Variants in CCDC60 observed in about 807,000 individuals in gnomAD.
CCDC60 encodes coiled-coil domain containing 60, also known as coiled-coil domain-containing protein 60.
In CCDC60, 54 loss-of-function variants were observed where a neutral mutation model predicts 63.5. That is an observed-to-expected ratio of 0.85 (90% CI 0.68 to 1.07). CCDC60 has a LOEUF of 1.07. Ranked by LOEUF, CCDC60 falls within the 50% of genes least tolerant of loss-of-function variation. The pLI, the probability that CCDC60 is intolerant of heterozygous loss-of-function variation, is 0.00. For synonymous variants in CCDC60, 206 were observed against 238.8 expected (o/e 0.86, Z 1.27); for missense variants, 651 against 684.3 (o/e 0.95, Z 0.54).
At chr12:119,449,332 T>C (rs753456789) in intron 2 of CCDC60, among the ~76,000 whole-genome samples, 33 of 152,164 alleles carry the variant, frequency 2.2e-4, no homozygotes, top group Non-Finnish European at 4.1e-4. Context: ...CTGAGAGGCA[T>C]GTAGGGAGCT....
intron 3 of CCDC60, among the ~76,000 whole-genome samples, chr12:119,474,176 T>C (rs1418174348): frequency 1.3e-5 from 2 of 152,128 alleles, no homozygotes; most frequent in African/African-American, 4.8e-5. Context: ...GGCCATAATA[T>C]AAAAAGGAAT....
chr12:119,507,589 T>TAC (rs60208424), intron 7 of CCDC60, among the ~76,000 whole-genome samples: 1 of 41,742 alleles, frequency 2.4e-5, no homozygotes, highest in Non-Finnish European at 3.6e-5. Flanking sequence ...CACATATATA[T>TAC]ACATATATAT....
At chr12:119,448,508 C>T (rs1950579252) in intron 2 of CCDC60, among the ~76,000 whole-genome samples, 1 of 152,188 alleles carries the variant, frequency 6.6e-6, no homozygotes, top group Non-Finnish European at 1.5e-5. Flanking sequence ...CTGCCTGACA[C>T]ACAGAGAGTG....
intron 2 of CCDC60, among the ~76,000 whole-genome samples, chr12:119,439,096 A>G (rs960473264): frequency 3.6e-5 from 5 of 140,722 alleles, no homozygotes; most frequent in Admixed American, 2.3e-4. Flanking sequence ...TTGAAGATGC[A>G]GGATGAGATC....
intron 1 of CCDC60, among the ~76,000 whole-genome samples, chr12:119,427,215 C>T (rs1956917649): frequency 6.6e-6 from 1 of 152,130 alleles, no homozygotes; most frequent in African/African-American, 2.4e-5. Flanking sequence ...TAATCTCACC[C>T]CCAGAGAAAA....
chr12:119,491,981 C>A (rs745572865), intron 5 of CCDC60, among the ~76,000 whole-genome samples: 1 of 152,160 alleles, frequency 6.6e-6, no homozygotes, highest in Non-Finnish European at 1.5e-5. Context: ...AGTAAAAAGA[C>A]GTAGTGGTCA....
In CCDC60 at chr12:119,406,660, A is replaced by G. The variant is rs563597982; in HGVS notation, c.91-22023A>G. ...TATGTTTAAAATATGAATACAAAAC[A>G]TAATAAAAAGGTAAGCTGAATATAG... On this transcript the variant is annotated intron_variant, in intron 1 of 13. Coordinates refer to ENST00000327554, the MANE Select transcript of CCDC60 (RefSeq NM_178499.5). 3.3e-5 allele frequency among the ~76,000 whole-genome samples: 5 copies of G among 152,190 alleles called. No individual in the cohort carries two copies. In the East Asian group the frequency reaches 9.7e-4, roughly 29 times the overall value.
At chr12:119,499,092 T>C (rs920507792) in intron 5 of CCDC60, among the ~76,000 whole-genome samples, 1 of 152,242 alleles carries the variant, frequency 6.6e-6, no homozygotes, top group Non-Finnish European at 1.5e-5. Context: ...ATGCTGTCCC[T>C]TTAGCCCCCT....
chr12:119,483,986 CA>C (rs200909637), intron 4 of CCDC60, among the ~76,000 whole-genome samples: 1,819 of 150,734 alleles, frequency 0.012, 16 homozygotes, highest in Non-Finnish European at 0.017. Context: ...GAGCAATCAT[CA>C]GGTTTAGGGC....
chr12:119,483,065 G>A (rs1416261770), intron 4 of CCDC60, among the ~76,000 whole-genome samples: 1 of 152,168 alleles, frequency 6.6e-6, no homozygotes, highest in African/African-American at 2.4e-5. Context: ...CTGTGAACTA[G>A]GCTCAGAATG....
chr12:119,399,878 T>TA (rs916037128), intron 1 of CCDC60, among the ~76,000 whole-genome samples: 4 of 152,172 alleles, frequency 2.6e-5, no homozygotes, highest in African/African-American at 9.7e-5. Flanking sequence ...AACATACCCC[T>TA]ACACACCAAA....
chr12:119,437,841 G>A (rs1057387764), intron 2 of CCDC60, among the ~76,000 whole-genome samples: 5 of 152,206 alleles, frequency 3.3e-5, no homozygotes, highest in Non-Finnish European at 7.3e-5. Flanking sequence ...AAGCAGGCAT[G>A]GTTAAGGCTT....
chr12:119,500,871 A>G (rs1951835388), intron 6 of CCDC60, among the ~76,000 whole-genome samples: 1 of 152,196 alleles, frequency 6.6e-6, no homozygotes, highest in Non-Finnish European at 1.5e-5. Context: ...TAAGAAAAAG[A>G]AAAGACAAAG....
intron 9 of CCDC60, among the ~76,000 whole-genome samples, chr12:119,520,542 C>CTT (rs11460611): frequency 0.028 from 3,529 of 126,828 alleles, 110 homozygotes; most frequent in Non-Finnish European, 0.041. Flanking sequence ...AGAGAATATT[C>CTT]TTTTTTTTTT....
chr12:119,336,607 C>T lies in CCDC60; in HGVS notation c.90+1341C>T, dbSNP rs577341055. ...TGGTGTTCAAAGGCTAGGTTTGCCACGCACCAGCTGTGTGACTTTAGACAG... is the reference window on the plus strand; with the variant it reads ...TGGTGTTCAAAGGCTAGGTTTGCCATGCACCAGCTGTGTGACTTTAGACAG... On this transcript the variant is annotated intron_variant, in intron 1 of 13. Transcript: ENST00000327554. Among the ~76,000 whole-genome samples the T allele has an allele frequency of 6.6e-5, 10 of 152,312 alleles. No individual in the cohort carries two copies. The South Asian group carries it at 1.2e-3, about 19-fold the overall frequency.
intron 1 of CCDC60, among the ~76,000 whole-genome samples, chr12:119,349,273 C>A (rs1412116404): frequency 1.3e-5 from 2 of 151,556 alleles, no homozygotes; most frequent in African/African-American, 4.9e-5. Flanking sequence ...ACATTGACTG[C>A]ATCTTATAAC....
At chr12:119,414,327 C>T (rs1956661897) in intron 1 of CCDC60, among the ~76,000 whole-genome samples, 1 of 151,992 alleles carries the variant, frequency 6.6e-6, no homozygotes, top group Non-Finnish European at 1.5e-5. Context: ...CCACTCTTGT[C>T]TTTATTAGCT....
chr12:119,505,986 CT>C (rs66899655), intron 7 of CCDC60, among the ~76,000 whole-genome samples: 20,499 of 152,088 alleles, frequency 0.13, 1,567 homozygotes, highest in Non-Finnish European at 0.17. Flanking sequence ...TCGGTGTCTA[CT>C]TTTTTAAACA....
At chr12:119,428,605 T>A in intron 1 of CCDC60, 78 bp from the exon 2 acceptor site, 1 of 967,806 alleles carries the variant, frequency 1.0e-6, no homozygotes, top group Non-Finnish European at 1.6e-6. Flanking sequence ...GAGAAACCCA[T>A]GAGCCTCCTG....
Sources: gnomAD v4.1 joint callset for allele counts (sites outside exome capture counted in the v4.1 genomes callset) on GRCh38, gnomAD v4.1.1 for gene constraint, MANE v1.5 for transcripts, NCBI Gene and HGNC (gene_info 2026-07-23, HGNC 2026-07-21) for gene names.